Variants in LRRIQ4 observed in about 807,000 individuals in gnomAD.
LRRIQ4 encodes leucine rich repeats and IQ motif containing 4.
In LRRIQ4, 21 loss-of-function variants were observed where a neutral mutation model predicts 40.1. The observed-to-expected ratio is 0.52, with a 90% CI of 0.37 to 0.75. The LOEUF is 0.75. LRRIQ4 is among the 30% of genes least tolerant of loss of function. The probability of loss-of-function intolerance (pLI) is 0.00; values close to 1 mark genes in which losing one functional copy is unlikely to be tolerated. For missense variants in LRRIQ4, 655 were observed against 660.0 expected (o/e 0.99, Z 0.08); for synonymous variants, 277 against 277.1 (o/e 1.00, Z 0.00).
At chr3:169,823,385 T>C (rs1054110518) in intron 2 of LRRIQ4, among the ~76,000 whole-genome samples, 6 of 151,350 alleles carry the variant, frequency 4.0e-5, no homozygotes, top group Admixed American at 6.6e-5. Context: ...TCTAGCTCTA[T>C]TGCACAGGCT....
chr3:169,829,538 G>A (rs1358281863), intron 3 of LRRIQ4, among the ~76,000 whole-genome samples: 1 of 148,664 alleles, frequency 6.7e-6, no homozygotes, highest in Non-Finnish European at 1.5e-5. Context: ...TTTTGACAGA[G>A]TTTCGCTCTT....
intron 4 of LRRIQ4, 133 bp downstream of exon 4, chr3:169,830,763 A>G (rs1430367953): frequency 1.8e-6 from 2 of 1,117,590 alleles, no homozygotes; most frequent in African/African-American, 3.1e-5. Flanking sequence ...ACTTCCTTGC[A>G]GGGCTCACTT....
chr3:169,837,443 C>A (rs764104763), intron 5 of LRRIQ4, 36 bp from the exon 6 acceptor site: 2 of 1,579,596 alleles, frequency 1.3e-6, no homozygotes, highest in South Asian at 1.2e-5. Flanking sequence ...ATTGTGATAC[C>A]AGCCGATGCT....
chr3:169,836,066 C>A (rs1445862234), intron 5 of LRRIQ4, among the ~76,000 whole-genome samples: 1 of 151,954 alleles, frequency 6.6e-6, no homozygotes, highest in Admixed American at 6.6e-5. Context: ...CATTGAGATA[C>A]ATCAGTGAAC....
At chr3:169,836,430 C>T (rs1239259393) in intron 5 of LRRIQ4, among the ~76,000 whole-genome samples, 1 of 152,140 alleles carries the variant, frequency 6.6e-6, no homozygotes, top group Non-Finnish European at 1.5e-5. Flanking sequence ...CTGGTGAAGG[C>T]CCTCTTCCTG....
chr3:169,820,150 T>C (rs917551247), intron 1 of LRRIQ4, among the ~76,000 whole-genome samples: 2 of 152,190 alleles, frequency 1.3e-5, no homozygotes, highest in East Asian at 3.9e-4. Flanking sequence ...GCCCAGATAC[T>C]CCAGCAGGAC....
At chr3:169,813,819 A>T (rs1779694176) in intron 1 of LRRIQ4, among the ~76,000 whole-genome samples, 1 of 152,172 alleles carries the variant, frequency 6.6e-6, no homozygotes, top group Admixed American at 6.5e-5. Flanking sequence ...AGACGCCAAG[A>T]ACCTGGACAC....
At chr3:169,818,335 T>C (rs958281125) in intron 1 of LRRIQ4, among the ~76,000 whole-genome samples, 4 of 152,220 alleles carry the variant, frequency 2.6e-5, no homozygotes, top group African/African-American at 9.7e-5. Context: ...GGGACTGTGA[T>C]TGCAAACCTG....
intron 5 of LRRIQ4, among the ~76,000 whole-genome samples, chr3:169,834,864 ACAT>A (rs1261697546): frequency 4.6e-5 from 7 of 151,406 alleles, no homozygotes; most frequent in African/African-American, 1.5e-4. Context: ...AAATGTATAT[ACAT>A]TACAACTATT....
chr3:169,832,019 G>A (rs1370528577), intron 4 of LRRIQ4, among the ~76,000 whole-genome samples: 3 of 151,800 alleles, frequency 2.0e-5, no homozygotes, highest in South Asian at 4.2e-4. Flanking sequence ...GAGACAAGGG[G>A]TTGTATGCAG....
chr3:169,820,862 C>G (rs1358815777), intron 1 of LRRIQ4, among the ~76,000 whole-genome samples: 2 of 152,204 alleles, frequency 1.3e-5, no homozygotes. Flanking sequence ...GCAATTTTCC[C>G]TGTGGCCGTT....
chr3:169,832,036 T>C (rs1432041537), intron 4 of LRRIQ4, among the ~76,000 whole-genome samples: 5 of 151,932 alleles, frequency 3.3e-5, no homozygotes, highest in Non-Finnish European at 7.4e-5. Flanking sequence ...GCAGTAATCC[T>C]TAGTAATGCT....
chr3:169,821,808 G>A (rs1576761583), intron 1 of LRRIQ4, 83 bp from the exon 2 acceptor site: 1 of 699,924 alleles, frequency 1.4e-6, no homozygotes. Context: ...AATCAACTAG[G>A]TTTTAATTTT....
chr3:169,829,843 A>G (rs748622867), intron 3 of LRRIQ4, among the ~76,000 whole-genome samples: 1 of 152,226 alleles, frequency 6.6e-6, no homozygotes, highest in African/African-American at 2.4e-5. Context: ...GGGCCACCAC[A>G]TAACCCCAGT....
chr3:169,826,281 A>G (rs1388367842), intron 2 of LRRIQ4, among the ~76,000 whole-genome samples: 2 of 151,708 alleles, frequency 1.3e-5, no homozygotes, highest in South Asian at 2.1e-4. Flanking sequence ...AATCCCAGCT[A>G]CTCGGGAGGT....
intron 1 of LRRIQ4, among the ~76,000 whole-genome samples, chr3:169,819,897 A>G (rs1466774353): frequency 1.3e-5 from 2 of 152,238 alleles, no homozygotes; most frequent in Non-Finnish European, 2.9e-5. Context: ...AGTATTAGAT[A>G]AATTTAATCT....
In LRRIQ4 at chr3:169,822,911, C is replaced by T. The variant is rs767532501; in HGVS notation, c.990C>T (p.Val330=). 1.3e-6 allele frequency: 2 copies of T among 1,552,306 alleles called. No individual in the cohort carries two copies. The highest frequency in any genetic ancestry group is 2.5e-5 in the South Asian group (2 of 80,314). The change falls in exon 2 of 6, where the codon GTC becomes GTT. Residue 330 remains valine (V), a synonymous_variant. Coordinates refer to ENST00000340806, the MANE Select transcript of LRRIQ4 (RefSeq NM_001080460.3). ...LQICALKNLE[V]LGLDDNKIGQ... ...TCTGTGCACTGAAGAACCTTGAAGT[C>T]CTGGGACTGGATGACAATAAAATAG...
chr3:169,823,513 A>G (rs1029144816), intron 2 of LRRIQ4, among the ~76,000 whole-genome samples: 1 of 151,952 alleles, frequency 6.6e-6, no homozygotes, highest in Non-Finnish European at 1.5e-5. Flanking sequence ...ATGCCCAGCT[A>G]ATTTTTGTAT....
intron 5 of LRRIQ4, among the ~76,000 whole-genome samples, chr3:169,834,948 T>A (rs987609208): frequency 9.9e-5 from 15 of 152,140 alleles, no homozygotes; most frequent in African/African-American, 3.6e-4. Context: ...ATAGGATTTT[T>A]TAGAACAGTG....
Sources: gnomAD v4.1 joint callset for allele counts (sites outside exome capture counted in the v4.1 genomes callset) on GRCh38, gnomAD v4.1.1 for gene constraint, MANE v1.5 for transcripts, NCBI Gene and HGNC (gene_info 2026-07-23, HGNC 2026-07-21) for gene names.